AP5M1: variants seen among roughly 807,000 people sequenced by gnomAD.
The protein encoded by AP5M1 is AP-5 complex subunit mu-1.
A neutral mutation model predicts 52.3 loss-of-function variants in AP5M1; 44 were observed. The ratio of observed to expected loss-of-function variants is 0.84; its 90% CI spans 0.66 to 1.08. AP5M1 has a LOEUF of 1.08. Ranked by LOEUF, AP5M1 falls within the 50% of genes least tolerant of loss-of-function variation. AP5M1 has a pLI of 0.00. For synonymous variants in AP5M1, 213 were observed against 199.0 expected (o/e 1.07, Z -0.59); for missense variants, 526 against 568.4 (o/e 0.93, Z 0.76).
At chr14:57,276,396 C>T (rs913197891) in intron 2 of AP5M1, among the ~76,000 whole-genome samples, 3 of 151,884 alleles carry the variant, frequency 2.0e-5, no homozygotes, top group Admixed American at 1.3e-4. Flanking sequence ...GCCAACATGG[C>T]GAAACCCTGT....
chr14:57,271,586 T>C (rs1363989054), intron 1 of AP5M1, among the ~76,000 whole-genome samples: 2 of 152,214 alleles, frequency 1.3e-5, no homozygotes, highest in Non-Finnish European at 2.9e-5. Flanking sequence ...ATTAGTCCTA[T>C]GTCATTTTTA....
chr14:57,281,606 AAGT>A (rs1396566751), intron 3 of AP5M1, among the ~76,000 whole-genome samples: 10 of 152,214 alleles, frequency 6.6e-5, no homozygotes, highest in Non-Finnish European at 1.5e-4. Context: ...TGCCCTGTAT[AAGT>A]AGTCTTTCTG....
chr14:57,272,225 A>T (rs1205106812), intron 1 of AP5M1, among the ~76,000 whole-genome samples: 1 of 152,196 alleles, frequency 6.6e-6, no homozygotes, highest in Non-Finnish European at 1.5e-5. Context: ...ATTCTGTATC[A>T]TTGAATGACT....
intron 2 of AP5M1, among the ~76,000 whole-genome samples, chr14:57,276,591 G>A (rs1449102110): frequency 2.0e-5 from 3 of 147,598 alleles, no homozygotes; most frequent in African/African-American, 7.9e-5. Context: ...AAAGAAAATA[G>A]GAAAATTCAC....
chr14:57,276,830 G>T (rs1885051237), intron 2 of AP5M1, among the ~76,000 whole-genome samples: 1 of 152,022 alleles, frequency 6.6e-6, no homozygotes, highest in Non-Finnish European at 1.5e-5. Context: ...GGGAGAAAAT[G>T]GGGCTATACC....
intron 6 of AP5M1, among the ~76,000 whole-genome samples, chr14:57,284,078 T>G (rs1317639171): frequency 6.6e-6 from 1 of 152,220 alleles, no homozygotes; most frequent in Non-Finnish European, 1.5e-5. Context: ...CAACAATTTA[T>G]CAGTGCTAAC....
chr14:57,293,111 A>G lies in AP5M1; in HGVS notation c.*4227A>G, dbSNP rs1222547380. The stretch of plus-strand genomic sequence containing the variant: ...TGGAATTTTGCACAGTATTTTGAGA[A>G]AGAAAAGGTAATGTTTCATGGTAGG... On this transcript the variant is annotated 3_prime_UTR_variant, in exon 8 of 8. Coordinates refer to ENST00000261558, the MANE Select transcript of AP5M1 (RefSeq NM_018229.4). 1 of 151,726 alleles carries G rather than the reference A, an allele frequency of 6.6e-6. No homozygotes were observed. 9.4% of individuals were successfully genotyped at this position (151,726 alleles called of 1,614,324 possible).
chr14:57,269,129 T>C lies in AP5M1; in HGVS notation c.-186T>C, dbSNP rs1393036004. 4 of 610,746 alleles carry C rather than the reference T, an allele frequency of 6.5e-6. No homozygotes were observed. Among genetic ancestry groups the C allele is most frequent in the Non-Finnish European group, 1.2e-5 (4 of 345,670 alleles). 37.8% of individuals were successfully genotyped at this position (610,746 alleles called of 1,614,324 possible). Reference sequence around the variant, plus strand: ...GAACTTTTTGTGGTGTGTGTTGGCCTAGAGCGACTCAGAAGCGTTAGTGAC... The same window carrying C: ...GAACTTTTTGTGGTGTGTGTTGGCCCAGAGCGACTCAGAAGCGTTAGTGAC... On this transcript the variant is annotated 5_prime_UTR_variant, in exon 1 of 8. Transcript: ENST00000261558.
chr14:57,271,794 G>T (rs1303678399), intron 1 of AP5M1, among the ~76,000 whole-genome samples: 3 of 152,056 alleles, frequency 2.0e-5, no homozygotes, highest in Non-Finnish European at 4.4e-5. Context: ...GCTACATTTA[G>T]GTCTTTAACC....
In AP5M1 at chr14:57,274,877, A is replaced by T; in HGVS notation, c.708A>T (p.Thr236=). The T allele has an allele frequency of 1.2e-6, 2 of 1,614,180 alleles. No homozygotes were observed. Among genetic ancestry groups the T allele is most frequent in the Non-Finnish European group, 1.7e-6 (2 of 1,180,006 alleles). ...GIADTWQVVG[T]VTCKCDLEGI... is the part of the protein sequence containing the mutation. Reference sequence around the variant, plus strand: ...CAGATACATGGCAAGTTGTTGGAACAGTGACTTGCAAGGTGAGATTTTTCT... The same window carrying T: ...CAGATACATGGCAAGTTGTTGGAACTGTGACTTGCAAGGTGAGATTTTTCT... Residue 236 remains threonine (T), a synonymous_variant, in exon 2 of 8, where the codon ACA becomes ACT. Transcript: ENST00000261558.
At position 57,291,440 on chromosome 14, in the gene AP5M1, G is replaced by T. The variant is rs955022910; in HGVS notation, c.*2556G>T. 9 of 151,598 alleles carry T rather than the reference G, an allele frequency of 5.9e-5. No individual in the cohort carries two copies. Among genetic ancestry groups the T allele is most frequent in the Non-Finnish European group, 1.3e-4 (9 of 67,772 alleles). The allele number at this position is 151,598 out of a possible 1,614,324, so 9.4% of individuals were successfully genotyped here. A position where few individuals can be genotyped will look rare whatever the true frequency, so the allele number is the denominator to read the frequency against. On this transcript the variant is annotated 3_prime_UTR_variant, in exon 8 of 8. Coordinates refer to ENST00000261558, the MANE Select transcript of AP5M1 (RefSeq NM_018229.4). ...AAAGATCGTTCATGATTTTGTAAAC[G>T]CTTCTTTTCTCCATTTTTTACTAAA...
chr14:57,281,195 C>A (rs1885166568), intron 3 of AP5M1, among the ~76,000 whole-genome samples: 1 of 152,094 alleles, frequency 6.6e-6, no homozygotes, highest in African/African-American at 2.4e-5. Flanking sequence ...TAAACATTAT[C>A]CCCATTTTAC....
intron 6 of AP5M1, among the ~76,000 whole-genome samples, chr14:57,285,458 T>C (rs1277453421): frequency 6.6e-6 from 1 of 152,158 alleles, no homozygotes; most frequent in African/African-American, 2.4e-5. Context: ...ATCAGTCTTG[T>C]CATAACTTCC....
Position 57,292,053 on chromosome 14 carries a change from CA to C in AP5M1, c.*3172del. The C allele has an allele frequency of 1.3e-5, 2 of 151,932 alleles. No individual in the cohort carries two copies. The highest frequency in any genetic ancestry group is 6.8e-3 in the Middle Eastern group (2 of 294). The allele number at this position is 151,932 out of a possible 1,614,324, so 9.4% of individuals were successfully genotyped here. A position where few individuals can be genotyped will look rare whatever the true frequency, so the allele number is the denominator to read the frequency against. On this transcript the variant is annotated 3_prime_UTR_variant, in exon 8 of 8. Coordinates refer to ENST00000261558, the MANE Select transcript of AP5M1 (RefSeq NM_018229.4). ...AAGTGAAATTGATCCATCCCTCATCCAAACTTTGCAATACTTTCCTGTTCTG... is the reference window on the plus strand; with the variant it reads ...AAGTGAAATTGATCCATCCCTCATCCAACTTTGCAATACTTTCCTGTTCTG...
chr14:57,269,104 G>C lies in AP5M1; in HGVS notation c.-211G>C, dbSNP rs775258434. 2.9e-5 allele frequency: 17 copies of C among 585,196 alleles called. No individual in the cohort carries two copies. The highest frequency in any genetic ancestry group is 4.5e-5 in the Non-Finnish European group (15 of 331,992). The allele number at this position is 585,196 out of a possible 1,614,324, so 36.3% of individuals were successfully genotyped here. ...TCAAGGTTATAGGTTGGGGTTCTTA[G>C]AACTTTTTGTGGTGTGTGTTGGCCT... On this transcript the variant is annotated 5_prime_UTR_variant, in exon 1 of 8. Coordinates refer to ENST00000261558, the MANE Select transcript of AP5M1 (RefSeq NM_018229.4).
At chr14:57,284,150 G>T (rs1885250622) in intron 6 of AP5M1, among the ~76,000 whole-genome samples, 1 of 152,178 alleles carries the variant, frequency 6.6e-6, no homozygotes. Flanking sequence ...TACAATGGAG[G>T]TGAAGTTTAA....
In AP5M1 at chr14:57,274,746, C is replaced by G; in HGVS notation, c.577C>G (p.Gln193Glu). 1.2e-6 allele frequency: 2 copies of G among 1,614,136 alleles called. No homozygotes were observed. The highest frequency in any genetic ancestry group is 1.3e-5 in the African/African-American group (1 of 75,022). ...CAATTTTGCATCTGTGACTCAGCCACAGAAACAGCCAGCTTGGAAAACTGG... is the reference window on the plus strand; with the variant it reads ...CAATTTTGCATCTGTGACTCAGCCAGAGAAACAGCCAGCTTGGAAAACTGG... The part of the protein sequence containing the change: ...NTNFASVTQP[Q>E]KQPAWKTGTY... Residue 193 changes from glutamine to glutamate, a missense_variant, in exon 2 of 8, where the codon CAG becomes GAG. Physicochemically the swap from Gln to Glu is conservative, Grantham distance 29 (BLOSUM62 2). Around this residue, in one of 3 missense-constraint regions of AP5M1, gnomAD observed 425 missense variants for 430.6 expected, o/e 0.99. Coordinates refer to ENST00000261558, the MANE Select transcript of AP5M1 (RefSeq NM_018229.4).
Position 57,298,706 on chromosome 14 carries a change from T to C in AP5M1, c.*9822T>C, listed in dbSNP as rs1276327198. 2.0e-5 allele frequency: 3 copies of C among 152,174 alleles called. No individual in the cohort carries two copies. The highest frequency in any genetic ancestry group is 7.2e-5 in the African/African-American group (3 of 41,446). 9.4% of individuals were successfully genotyped at this position (152,174 alleles called of 1,614,324 possible). A position where few individuals can be genotyped will look rare whatever the true frequency, so the allele number is the denominator to read the frequency against. ...AGGAATGCCTACTCAGTTGCTTGAA[T>C]GGGTGTTTGGAGTTAATAAAATGGC... is the stretch of plus-strand genomic sequence containing the variant. On this transcript the variant is annotated 3_prime_UTR_variant, in exon 8 of 8. Coordinates refer to ENST00000261558, the MANE Select transcript of AP5M1 (RefSeq NM_018229.4).
rs1566513461 is a variant in AP5M1 at position 57,273,795 on chromosome 14, T to G, written c.75-449T>G. The G allele has an allele frequency of 2.9e-6, 2 of 697,660 alleles. 1 individual carries two copies. Among genetic ancestry groups the G allele is most frequent in the Non-Finnish European group, 5.2e-6 (2 of 382,878 alleles). The allele number at this position is 697,660 out of a possible 1,614,324, so 43.2% of individuals were successfully genotyped here. ...CCTTTTAAAATTGTACCATCTCAAC[T>G]AATGAATCCAAAATTATGGAGGGTT... On this transcript the variant is annotated intron_variant, in intron 1 of 7. Coordinates refer to ENST00000261558, the MANE Select transcript of AP5M1 (RefSeq NM_018229.4).
Sources: allele counts gnomAD v4.1 joint callset (sites outside exome capture counted in the v4.1 genomes callset), GRCh38; gene constraint gnomAD v4.1.1; regional missense constraint gnomAD v4.1.1; transcripts MANE v1.5; gene names NCBI Gene and HGNC (gene_info 2026-07-23, HGNC 2026-07-21).